The following MACROD2 variants were observed in gnomAD, a reference collection of about 807,000 sequenced individuals.
MACROD2 encodes ADP-ribose glycohydrolase MACROD2.
In MACROD2, 36 loss-of-function variants were observed where a neutral mutation model predicts 70.4. The observed-to-expected ratio is 0.51, with a 90% CI of 0.39 to 0.68. MACROD2 has a LOEUF of 0.68. MACROD2 is among the 30% of genes least tolerant of loss of function. The pLI is 0.00. For synonymous variants in MACROD2, 172 were observed against 178.8 expected, an observed-to-expected ratio of 0.96 and a Z score of 0.30; for missense variants, 496 against 538.4, an observed-to-expected ratio of 0.92 and a Z score of 0.78.
chr20:14,813,820 C>T (rs1000079447), intron 5 of MACROD2, among the ~76,000 whole-genome samples: 2 of 152,012 alleles, frequency 1.3e-5, no homozygotes, highest in Non-Finnish European at 2.9e-5. Context: ...TGGTGATCCA[C>T]TTAACCTTCA....
chr20:15,076,818 T>G (rs1181901524), intron 5 of MACROD2, among the ~76,000 whole-genome samples: 1 of 152,158 alleles, frequency 6.6e-6, no homozygotes, highest in East Asian at 1.9e-4. Context: ...TAAACTTTCA[T>G]ACGTAGAACT....
intron 3 of MACROD2, among the ~76,000 whole-genome samples, chr20:14,282,727 G>A (rs111307451): frequency 0.016 from 2,414 of 152,254 alleles, 75 homozygotes; most frequent in African/African-American, 0.056. Context: ...AGGCAAAGGA[G>A]GAGCAGGCGT....
intron 3 of MACROD2, among the ~76,000 whole-genome samples, chr20:14,237,908 T>A (rs1234705897): frequency 6.6e-6 from 1 of 152,042 alleles, no homozygotes; most frequent in Non-Finnish European, 1.5e-5. Context: ...TATTCCATGG[T>A]GTATATGTGC....
intron 15 of MACROD2, among the ~76,000 whole-genome samples, chr20:16,010,781 T>C (rs2066853295): frequency 6.6e-6 from 1 of 152,156 alleles, no homozygotes. Flanking sequence ...ACCAAGCACA[T>C]TTCAAGCCCT....
At chr20:16,039,358 T>A (rs2067277183) in intron 15 of MACROD2, among the ~76,000 whole-genome samples, 2 of 151,984 alleles carry the variant, frequency 1.3e-5, no homozygotes, top group East Asian at 1.9e-4. Flanking sequence ...ATATCTTCTT[T>A]TATTAACTGT....
At chr20:15,002,634 C>G (rs1453577591) in intron 5 of MACROD2, among the ~76,000 whole-genome samples, 2 of 152,088 alleles carry the variant, frequency 1.3e-5, no homozygotes, top group Non-Finnish European at 2.9e-5. Flanking sequence ...GACTCAAATT[C>G]CTATGGGGAC....
chr20:14,322,407 C>CT (rs201800951), intron 3 of MACROD2, among the ~76,000 whole-genome samples: 38,682 of 134,264 alleles, frequency 0.29, 5,909 homozygotes, highest in African/African-American at 0.39. Flanking sequence ...AATATAATCT[C>CT]TTTTTTTTTT....
chr20:14,424,429 T>A, intron 3 of MACROD2, among the ~76,000 whole-genome samples: 1 of 152,248 alleles, frequency 6.6e-6, no homozygotes, highest in East Asian at 1.9e-4. Context: ...ACTGATAATT[T>A]GCTTCTTCTT....
intron 3 of MACROD2, among the ~76,000 whole-genome samples, chr20:14,187,571 C>T (rs762489061): frequency 1.3e-5 from 2 of 152,082 alleles, no homozygotes; most frequent in Non-Finnish European, 1.5e-5. Flanking sequence ...GGACATATAA[C>T]TGGTTTATTC....
chr20:14,287,444 G>A (rs1027565146), intron 3 of MACROD2, among the ~76,000 whole-genome samples: 3 of 91,726 alleles, frequency 3.3e-5, no homozygotes, highest in East Asian at 2.4e-4. Context: ...TGCAGCCTAC[G>A]TTTATCAAAA....
intron 6 of MACROD2, among the ~76,000 whole-genome samples, chr20:15,247,912 G>C (rs1422208522): frequency 6.6e-6 from 1 of 152,142 alleles, no homozygotes; most frequent in East Asian, 1.9e-4. Flanking sequence ...TGGCCAGGCT[G>C]CTCTTCAATT....
chr20:15,681,492 G>T (rs1356720983), intron 8 of MACROD2, among the ~76,000 whole-genome samples: 2 of 152,182 alleles, frequency 1.3e-5, no homozygotes, highest in Admixed American at 6.5e-5. Context: ...CAAATAAAAT[G>T]GGATTGGAGG....
intron 6 of MACROD2, among the ~76,000 whole-genome samples, chr20:15,315,990 A>G (rs2077805926): frequency 6.6e-6 from 1 of 152,112 alleles, no homozygotes; most frequent in Non-Finnish European, 1.5e-5. Flanking sequence ...ATCAATTCAA[A>G]ATAGATTACT....
chr20:14,955,881 C>G (rs751183035), intron 5 of MACROD2, among the ~76,000 whole-genome samples: 2 of 152,062 alleles, frequency 1.3e-5, no homozygotes, highest in Admixed American at 6.6e-5. Context: ...GGAGAAGGAC[C>G]CACAATCACT....
chr20:15,066,836 T>G, intron 5 of MACROD2, among the ~76,000 whole-genome samples: 1 of 149,528 alleles, frequency 6.7e-6, no homozygotes, highest in East Asian at 2.0e-4. Flanking sequence ...GAGCCAAGAC[T>G]GCACCACTGC....
intron 8 of MACROD2, among the ~76,000 whole-genome samples, chr20:15,748,959 C>T (rs1377417820): frequency 6.6e-6 from 1 of 152,020 alleles, no homozygotes; most frequent in Non-Finnish European, 1.5e-5. Context: ...CCTTGGTTTA[C>T]TCATCTATAA....
intron 8 of MACROD2, among the ~76,000 whole-genome samples, chr20:15,757,758 G>C (rs937829381): frequency 3.9e-5 from 6 of 152,138 alleles, no homozygotes; most frequent in Non-Finnish European, 8.8e-5. Context: ...ATAGAGAAGA[G>C]AGAGAGAGAA....
intron 6 of MACROD2, among the ~76,000 whole-genome samples, chr20:15,371,056 T>C (rs2045484767): frequency 6.6e-6 from 1 of 152,144 alleles, no homozygotes; most frequent in South Asian, 2.1e-4. Flanking sequence ...ACAGGTTACC[T>C]GGTTCAATTG....
intron 3 of MACROD2, among the ~76,000 whole-genome samples, chr20:14,186,175 G>A (rs2081342565): frequency 6.6e-6 from 1 of 151,278 alleles, no homozygotes; most frequent in East Asian, 1.9e-4. Flanking sequence ...GTTCTATAGA[G>A]AATAAAATGT....
Sources: gnomAD v4.1 joint callset for allele counts (sites outside exome capture counted in the v4.1 genomes callset) on GRCh38, gnomAD v4.1.1 for gene constraint, MANE v1.5 for transcripts, NCBI Gene and HGNC (gene_info 2026-07-23, HGNC 2026-07-21) for gene names.